Variants in PABPC4L observed in about 807,000 individuals in gnomAD.
The protein encoded by PABPC4L is polyadenylate-binding protein 4-like.
For missense variants in PABPC4L, 452 were observed against 451.4 expected (o/e 1.00, Z -0.01); for synonymous variants, 169 against 164.1 (o/e 1.03, Z -0.23).
the PABPC4L span, among the ~76,000 whole-genome samples, chr4:134,014,762 C>G: frequency 1.3e-5 from 2 of 152,004 alleles, no homozygotes; most frequent in Non-Finnish European, 2.9e-5. Flanking sequence ...AAAGCCTACC[C>G]ACTCCACATT....
the PABPC4L span, among the ~76,000 whole-genome samples, chr4:134,158,223 C>T: frequency 7.9e-5 from 12 of 152,094 alleles, no homozygotes; most frequent in African/African-American, 2.4e-4. Context: ...CCTTTCCATA[C>T]ACTTTCTTAA....
chr4:133,951,062 C>A, the PABPC4L span, among the ~76,000 whole-genome samples: 1 of 152,120 alleles, frequency 6.6e-6, no homozygotes, highest in Non-Finnish European at 1.5e-5. Context: ...AGATAAGCTA[C>A]CTTTCTTACA....
chr4:134,086,644 C>G, the PABPC4L span, among the ~76,000 whole-genome samples: 1 of 151,928 alleles, frequency 6.6e-6, no homozygotes, highest in Non-Finnish European at 1.5e-5. Context: ...CCATGCCACC[C>G]TCCCGCTCCA....
the PABPC4L span, among the ~76,000 whole-genome samples, chr4:134,129,638 A>C: frequency 1.3e-5 from 2 of 152,132 alleles, no homozygotes; most frequent in Admixed American, 6.6e-5. Flanking sequence ...AAGTTTAATT[A>C]AATTTAAATT....
chr4:134,188,377 T>C, the PABPC4L span, among the ~76,000 whole-genome samples: 1 of 152,122 alleles, frequency 6.6e-6, no homozygotes, highest in Non-Finnish European at 1.5e-5. Context: ...TTATTTTACC[T>C]TCAATTATTT....
chr4:134,072,080 T>C, the PABPC4L span, among the ~76,000 whole-genome samples: 1 of 152,214 alleles, frequency 6.6e-6, no homozygotes, highest in South Asian at 2.1e-4. Flanking sequence ...AAAATTAGGA[T>C]GTCATTTCTC....
At chr4:134,021,815 C>T in the PABPC4L span, among the ~76,000 whole-genome samples, 1 of 152,190 alleles carries the variant, frequency 6.6e-6, no homozygotes, top group African/African-American at 2.4e-5. Context: ...CTGTTCTAGA[C>T]ATTTTTTTCT....
chr4:134,033,868 G>A, the PABPC4L span, among the ~76,000 whole-genome samples: 1 of 151,890 alleles, frequency 6.6e-6, no homozygotes, highest in Admixed American at 6.6e-5. Context: ...AGCATCACAT[G>A]CTAATGGAGA....
chr4:133,958,792 T>C, the PABPC4L span, among the ~76,000 whole-genome samples: 3 of 152,088 alleles, frequency 2.0e-5, no homozygotes, highest in Non-Finnish European at 4.4e-5. Context: ...AACATGGGAG[T>C]AACTGCCCCT....
chr4:134,170,744 G>A, the PABPC4L span, among the ~76,000 whole-genome samples: 7 of 152,164 alleles, frequency 4.6e-5, no homozygotes, highest in South Asian at 2.1e-4. Context: ...ACCTCCCACC[G>A]GGTCCCACCT....
chr4:134,070,159 T>C, the PABPC4L span, among the ~76,000 whole-genome samples: 1 of 152,062 alleles, frequency 6.6e-6, no homozygotes. Context: ...CTTTGTTTTC[T>C]GGACCCTTGT....
the PABPC4L span, among the ~76,000 whole-genome samples, chr4:134,078,781 T>G: frequency 1.3e-5 from 2 of 151,088 alleles, no homozygotes; most frequent in Non-Finnish European, 2.9e-5. Context: ...GCCTCCAGAG[T>G]AGCTGGGATT....
At chr4:133,999,960 T>C in the PABPC4L span, among the ~76,000 whole-genome samples, 768 of 152,160 alleles carry the variant, frequency 5.0e-3, 2 homozygotes, top group Non-Finnish European at 8.1e-3. Flanking sequence ...GTATGTACTT[T>C]TAAGTTTAAG....
chr4:134,025,890 A>T, the PABPC4L span, among the ~76,000 whole-genome samples: 2 of 152,128 alleles, frequency 1.3e-5, no homozygotes, highest in Non-Finnish European at 2.9e-5. Context: ...CAGCATTTGA[A>T]GGAAAATTAA....
At chr4:134,036,697 A>G in the PABPC4L span, among the ~76,000 whole-genome samples, 2 of 152,022 alleles carry the variant, frequency 1.3e-5, no homozygotes, top group Non-Finnish European at 2.9e-5. Flanking sequence ...ACATTGTTCT[A>G]TGCATCTTAT....
the PABPC4L span, among the ~76,000 whole-genome samples, chr4:134,035,928 G>C: frequency 6.6e-6 from 1 of 151,486 alleles, no homozygotes; most frequent in East Asian, 1.9e-4. Context: ...GCCTTATAAA[G>C]AGTCCCTTAT....
the PABPC4L span, among the ~76,000 whole-genome samples, chr4:134,142,740 CTAA>C: frequency 6.6e-6 from 1 of 151,402 alleles, no homozygotes; most frequent in African/African-American, 2.4e-5. Context: ...TTTAGTGTTT[CTAA>C]TATGAACACT....
chr4:134,018,367 AC>A, the PABPC4L span, among the ~76,000 whole-genome samples: 1 of 152,098 alleles, frequency 6.6e-6, no homozygotes, highest in Non-Finnish European at 1.5e-5. Context: ...GTCTCTTCAC[AC>A]TGATGCGCAT....
chr4:134,082,643 A>C, the PABPC4L span, among the ~76,000 whole-genome samples: 1 of 152,186 alleles, frequency 6.6e-6, no homozygotes, highest in Non-Finnish European at 1.5e-5. Flanking sequence ...ATGATCTCAT[A>C]TGGAGAGTCT....
Sources: allele counts gnomAD v4.1 joint callset (sites outside exome capture counted in the v4.1 genomes callset), GRCh38; gene constraint gnomAD v4.1.1; transcripts MANE v1.5; gene names NCBI Gene and HGNC (gene_info 2026-07-23, HGNC 2026-07-21).